The following GRIP1 variants were observed in gnomAD, a reference collection of about 807,000 sequenced individuals.
GRIP1 encodes glutamate receptor interacting protein 1.
GRIP1 carries 45 observed loss-of-function variants against 129.9 expected under a neutral mutation model. The ratio of observed to expected loss-of-function variants is 0.35; its 90% CI spans 0.27 to 0.44. The LOEUF is 0.44. Ranked by LOEUF, GRIP1 falls within the 20% of genes least tolerant of loss-of-function variation. The probability of loss-of-function intolerance (pLI) is 1.00; values close to 1 mark genes in which losing one functional copy is unlikely to be tolerated. For synonymous variants in GRIP1, 530 were observed against 520.8 expected (o/e 1.02, Z -0.24); for missense variants, 1,196 against 1,396.8 (o/e 0.86, Z 2.29).
At chr12:66,635,068 C>G (rs1181002348) in intron 1 of GRIP1, among the ~76,000 whole-genome samples, 1 of 152,102 alleles carries the variant, frequency 6.6e-6, no homozygotes, top group Non-Finnish European at 1.5e-5. Flanking sequence ...TAGTAGGAGT[C>G]AATAAATAAC....
intron 1 of GRIP1, among the ~76,000 whole-genome samples, chr12:67,060,824 CAAAAAAAAAAA>C (rs11300344): frequency 1.9e-5 from 2 of 104,756 alleles, no homozygotes; most frequent in African/African-American, 7.1e-5. Flanking sequence ...AACTCCGTCT[CAAAAAAAAAAA>C]AAAAAAAAAA....
chr12:66,602,419 G>C (rs189540803), intron 1 of GRIP1, among the ~76,000 whole-genome samples: 5 of 152,248 alleles, frequency 3.3e-5, no homozygotes, highest in Admixed American at 2.6e-4. Flanking sequence ...AAATTAAATT[G>C]TTCATAATTC....
At chr12:66,438,972 C>T (rs914540076) in intron 13 of GRIP1, among the ~76,000 whole-genome samples, 6 of 152,128 alleles carry the variant, frequency 3.9e-5, no homozygotes, top group African/African-American at 1.2e-4. Context: ...GTGAGAATGG[C>T]TAAGCAGAAC....
chr12:66,639,204 T>C (rs923750374), intron 1 of GRIP1, among the ~76,000 whole-genome samples: 6 of 152,184 alleles, frequency 3.9e-5, no homozygotes, highest in African/African-American at 1.4e-4. Context: ...GTACTAATAG[T>C]ATTACTAATC....
At chr12:66,555,336 A>C (rs2062289088) in intron 2 of GRIP1, among the ~76,000 whole-genome samples, 1 of 152,190 alleles carries the variant, frequency 6.6e-6, no homozygotes, top group South Asian at 2.1e-4. Flanking sequence ...GAGCCATAGC[A>C]TTACTGGGCT....
intron 1 of GRIP1, among the ~76,000 whole-genome samples, chr12:66,832,200 C>T (rs10506503): frequency 0.086 from 13,145 of 152,196 alleles, 865 homozygotes; most frequent in East Asian, 0.23. Flanking sequence ...CTGGTCCCTT[C>T]TGAAATTCTT....
chr12:66,505,260 A>G (rs1306625637), intron 7 of GRIP1, among the ~76,000 whole-genome samples: 3 of 152,298 alleles, frequency 2.0e-5, no homozygotes, highest in Admixed American at 6.5e-5. Context: ...GACTCAATGA[A>G]CCGTTGCTGT....
At chr12:66,965,195 T>A (rs1037736498) in intron 1 of GRIP1, among the ~76,000 whole-genome samples, 1 of 152,036 alleles carries the variant, frequency 6.6e-6, no homozygotes, top group Non-Finnish European at 1.5e-5. Flanking sequence ...CCCATTCCCA[T>A]ATTATTTTGA....
intron 22 of GRIP1, among the ~76,000 whole-genome samples, chr12:66,376,367 T>G (rs2055785050): frequency 6.6e-6 from 1 of 152,168 alleles, no homozygotes; most frequent in Admixed American, 6.5e-5. Context: ...GACATCAAAA[T>G]AAAAATGAGA....
chr12:66,697,514 G>T (rs1337117438), intron 1 of GRIP1, among the ~76,000 whole-genome samples: 1 of 152,114 alleles, frequency 6.6e-6, no homozygotes, highest in Non-Finnish European at 1.5e-5. Context: ...TAGGGAAATG[G>T]CCGACAACAC....
At chr12:66,954,796 A>G (rs972158561) in intron 1 of GRIP1, among the ~76,000 whole-genome samples, 17 of 152,192 alleles carry the variant, frequency 1.1e-4, no homozygotes, top group African/African-American at 3.6e-4. Context: ...TAAAAAGCAC[A>G]TAATGAATAT....
intron 1 of GRIP1, among the ~76,000 whole-genome samples, chr12:66,841,784 G>A (rs1006885588): frequency 2.5e-4 from 38 of 152,112 alleles, no homozygotes; most frequent in Admixed American, 1.6e-3. Flanking sequence ...ATCGCTTCAC[G>A]GGGGCATCTT....
At chr12:66,660,954 TATATC>T (rs2033464147) in intron 1 of GRIP1, among the ~76,000 whole-genome samples, 1 of 151,918 alleles carries the variant, frequency 6.6e-6, no homozygotes, top group Non-Finnish European at 1.5e-5. Flanking sequence ...ATTATACAAA[TATATC>T]ATCTTATCTT....
intron 5 of GRIP1, among the ~76,000 whole-genome samples, chr12:66,524,427 T>C (rs1243982273): frequency 6.6e-6 from 1 of 152,146 alleles, no homozygotes; most frequent in Non-Finnish European, 1.5e-5. Flanking sequence ...CCTGAATGAC[T>C]ACTGGGTACA....
chr12:66,590,604 A>G (rs1233785902), intron 2 of GRIP1, among the ~76,000 whole-genome samples: 4 of 152,194 alleles, frequency 2.6e-5, no homozygotes, highest in Non-Finnish European at 4.4e-5. Flanking sequence ...TTCTACAAGC[A>G]GAACATGTGA....
At chr12:66,942,044 T>C (rs995520947) in intron 1 of GRIP1, among the ~76,000 whole-genome samples, 1 of 152,234 alleles carries the variant, frequency 6.6e-6, no homozygotes, top group Admixed American at 6.5e-5. Context: ...CTAGCTTTCA[T>C]AGAACACTTA....
chr12:66,616,319 T>C (rs1205078300), intron 1 of GRIP1, among the ~76,000 whole-genome samples: 2 of 152,152 alleles, frequency 1.3e-5, no homozygotes, highest in African/African-American at 4.8e-5. Flanking sequence ...AAAACATTTG[T>C]ATTTAACAAA....
chr12:66,824,395 T>C (rs1055699767), intron 1 of GRIP1, among the ~76,000 whole-genome samples: 1 of 152,174 alleles, frequency 6.6e-6, no homozygotes, highest in Non-Finnish European at 1.5e-5. Flanking sequence ...AGTCATTCCT[T>C]GCATGGCACT....
At chr12:66,507,177 G>A (rs6581699) in intron 7 of GRIP1, among the ~76,000 whole-genome samples, 47,060 of 152,066 alleles carry the variant, frequency 0.31, 7,414 homozygotes, top group Middle Eastern at 0.39. Flanking sequence ...GGTGGCTCAC[G>A]CCTGTAATCC....
Sources: gnomAD v4.1 joint callset for allele counts (sites outside exome capture counted in the v4.1 genomes callset) on GRCh38, gnomAD v4.1.1 for gene constraint, MANE v1.5 for transcripts, NCBI Gene and HGNC (gene_info 2026-07-23, HGNC 2026-07-21) for gene names.